The following STPG4 variants were observed in gnomAD, a reference collection of about 807,000 sequenced individuals.
STPG4 encodes the protein sperm-tail PG-rich repeat containing 4, also known as protein STPG4.
Under a neutral mutation model 31.5 loss-of-function variants are expected in STPG4, and 41 were observed. That is an observed-to-expected ratio of 1.30 (90% CI 1.01 to 1.69). The LOEUF (loss-of-function observed/expected upper bound fraction) is 1.69. STPG4 is among the 40% of genes most tolerant of loss of function. The pLI is 0.00. For synonymous variants in STPG4, 141 were observed against 103.0 expected, an observed-to-expected ratio of 1.37 and a Z score of -2.24; for missense variants, 375 against 293.4, an observed-to-expected ratio of 1.28 and a Z score of -2.03.
chr2:47,151,276 T>C lies in STPG4; in HGVS notation c.381A>G (p.Thr127=). The C allele has an allele frequency of 1.2e-6, 2 of 1,614,192 alleles. No individual in the cohort carries two copies. Among genetic ancestry groups the C allele is most frequent in the Non-Finnish European group, 1.7e-6 (2 of 1,180,030 alleles). ...FKDKPRPSPS[T]LVDKDQSLQL... is the part of the protein sequence containing the mutation. ...GCTTTACCTGATCTTTGTCAACTAG[T>C]GTGCTGGGGCTTGGCCGTGGTTTGT... Residue 127 remains threonine (T), a synonymous_variant, in exon 3 of 7, where the codon ACA becomes ACG. Coordinates refer to ENST00000445927, the MANE Select transcript of STPG4 (RefSeq NM_001163561.2).
chr2:47,089,924 C>T, intron 6 of STPG4, among the ~76,000 whole-genome samples: 1 of 152,260 alleles, frequency 6.6e-6, no homozygotes, highest in Non-Finnish European at 1.5e-5. Flanking sequence ...AGAGAACAGC[C>T]ATTCTGGCTG....
chr2:47,117,718 G>A (rs536083229), intron 5 of STPG4, among the ~76,000 whole-genome samples: 3 of 152,156 alleles, frequency 2.0e-5, no homozygotes, highest in African/African-American at 7.2e-5. Context: ...TTGATAAAAT[G>A]TCTCACTTGC....
chr2:47,154,422 C>G lies in STPG4; in HGVS notation c.81+749G>C, dbSNP rs536455946. ...GAGATGGGAAGGAGAGAGAAGTAAA[C>G]GCGATCAATCTAATGGAAGACAATT... is the stretch of plus-strand genomic sequence containing the variant. On this transcript the variant is annotated intron_variant, in intron 1 of 6. Coordinates refer to ENST00000445927, the MANE Select transcript of STPG4 (RefSeq NM_001163561.2). Among the ~76,000 whole-genome samples, 9 of 152,244 alleles carry G rather than the reference C, an allele frequency of 5.9e-5. No homozygotes were observed. In the East Asian group the frequency reaches 1.7e-3, roughly 29 times the overall value.
At chr2:47,096,633 G>A (rs1453282132) in intron 5 of STPG4, among the ~76,000 whole-genome samples, 2 of 152,212 alleles carry the variant, frequency 1.3e-5, no homozygotes, top group Admixed American at 6.5e-5. Flanking sequence ...GTTAGGGACT[G>A]CTGCTGGGTT....
chr2:47,093,724 C>A (rs6750136), intron 5 of STPG4, among the ~76,000 whole-genome samples: 128,751 of 152,242 alleles, frequency 0.85, 54,563 homozygotes, highest in Admixed American at 0.89. Flanking sequence ...ATCTGAATCA[C>A]AGGGACTAAG....
rs190872691 is a variant in STPG4 at position 47,124,136 on chromosome 2, C to G, written c.519+5805G>C. ...TAGCTGGGATTACAGGCGCATGCCA[C>G]CACAGCTGGCTGATTTTTGTATTTT... On this transcript the variant is annotated intron_variant, in intron 5 of 6. Transcript: ENST00000445927. Among the ~76,000 whole-genome samples the G allele has an allele frequency of 5.9e-3, 905 of 152,198 alleles. 5 individuals carry two copies. Among genetic ancestry groups the G allele is most frequent in the Non-Finnish European group, 9.4e-3 (638 of 67,996 alleles).
chr2:47,108,234 T>C (rs1685963565), intron 5 of STPG4, among the ~76,000 whole-genome samples: 2 of 151,122 alleles, frequency 1.3e-5, no homozygotes, highest in South Asian at 4.2e-4. Flanking sequence ...TGGGGCCAGA[T>C]AAGAGAAAAA....
chr2:47,105,232 G>C (rs1282460328), intron 5 of STPG4, among the ~76,000 whole-genome samples: 1 of 151,936 alleles, frequency 6.6e-6, no homozygotes, highest in African/African-American at 2.4e-5. Flanking sequence ...CCCACAACCG[G>C]TGGCATACCT....
intron 6 of STPG4, among the ~76,000 whole-genome samples, chr2:47,088,474 C>A (rs182310587): frequency 6.6e-6 from 1 of 152,200 alleles, no homozygotes. Context: ...CCACAACCAA[C>A]AGCTCAGTGG....
chr2:47,117,227 G>A (rs947700690), intron 5 of STPG4, among the ~76,000 whole-genome samples: 2 of 152,136 alleles, frequency 1.3e-5, no homozygotes, highest in African/African-American at 4.8e-5. Flanking sequence ...TTGTTTTTTT[G>A]AGAAGGACTT....
At chr2:47,110,070 T>C (rs1686004454) in intron 5 of STPG4, among the ~76,000 whole-genome samples, 1 of 150,578 alleles carries the variant, frequency 6.6e-6, no homozygotes, top group Non-Finnish European at 1.5e-5. Context: ...GTTCCCACTA[T>C]CAGGAAAGAT....
chr2:47,126,164 C>G (rs1686360995), intron 5 of STPG4, among the ~76,000 whole-genome samples: 1 of 152,144 alleles, frequency 6.6e-6, no homozygotes. Flanking sequence ...ATGATTCTTT[C>G]AGTTTTGTTC....
chr2:47,104,933 C>T (rs1207123743), intron 5 of STPG4, among the ~76,000 whole-genome samples: 2 of 151,892 alleles, frequency 1.3e-5, no homozygotes, highest in East Asian at 3.9e-4. Flanking sequence ...TGCCCTAAGA[C>T]GTTAAAACAG....
chr2:47,104,094 C>T (rs1685853997), intron 5 of STPG4, among the ~76,000 whole-genome samples: 1 of 151,906 alleles, frequency 6.6e-6, no homozygotes, highest in Admixed American at 6.6e-5. Flanking sequence ...CTATTATCTA[C>T]ATGAATATGG....
At chr2:47,087,624 G>C (rs1296885118) in intron 6 of STPG4, among the ~76,000 whole-genome samples, 1 of 152,242 alleles carries the variant, frequency 6.6e-6, no homozygotes, top group Non-Finnish European at 1.5e-5. Flanking sequence ...AGTTATTAAA[G>C]TAAGGTGTTT....
At chr2:47,113,376 T>G (rs779636793) in intron 5 of STPG4, among the ~76,000 whole-genome samples, 10 of 152,090 alleles carry the variant, frequency 6.6e-5, no homozygotes, top group Non-Finnish European at 1.3e-4. Flanking sequence ...CAGAAAAGAA[T>G]ACTAAAACTC....
At chr2:47,154,779 G>A (rs773396051) in intron 1 of STPG4, among the ~76,000 whole-genome samples, 6 of 152,168 alleles carry the variant, frequency 3.9e-5, no homozygotes, top group Non-Finnish European at 7.3e-5. Context: ...TATTAAAGTA[G>A]GAGGCGGAGC....
chr2:47,143,360 C>A (rs1470379587), intron 3 of STPG4, among the ~76,000 whole-genome samples: 2 of 152,182 alleles, frequency 1.3e-5, no homozygotes, highest in African/African-American at 2.4e-5. Context: ...TAGTTGATCA[C>A]CTGATAGGCG....
intron 5 of STPG4, among the ~76,000 whole-genome samples, chr2:47,094,269 G>A (rs6753965): frequency 0.85 from 128,705 of 152,170 alleles, 54,541 homozygotes; most frequent in Admixed American, 0.89. Context: ...CCAAAGCTAA[G>A]CCTTTCAAAG....
Sources: gnomAD v4.1 joint callset for allele counts (sites outside exome capture counted in the v4.1 genomes callset) on GRCh38, gnomAD v4.1.1 for gene constraint, MANE v1.5 for transcripts, NCBI Gene and HGNC (gene_info 2026-07-23, HGNC 2026-07-21) for gene names.